JARID2: variants seen among roughly 807,000 people sequenced by gnomAD.
JARID2 encodes protein Jumonji.
Under a neutral mutation model 125.6 loss-of-function variants are expected in JARID2, and 21 were observed. The ratio of observed to expected loss-of-function variants is 0.17; its 90% CI spans 0.12 to 0.24. The LOEUF (loss-of-function observed/expected upper bound fraction) is 0.24, where lower values mean the gene tolerates loss of function less well. Among genes scored for constraint, JARID2 ranks in the 10% least tolerant of loss-of-function variants. The probability of loss-of-function intolerance (pLI) is 1.00; values close to 1 mark genes in which losing one functional copy is unlikely to be tolerated. For synonymous variants in JARID2, 736 were observed against 661.6 expected (o/e 1.11, Z -1.73); for missense variants, 1,303 against 1,639.6 (o/e 0.79, Z 3.55).
intron 5 of JARID2, among the ~76,000 whole-genome samples, chr6:15,476,684 C>T (rs1267462561): frequency 2.6e-5 from 4 of 152,240 alleles, no homozygotes; most frequent in Non-Finnish European, 5.9e-5. Flanking sequence ...CCAGCAACTT[C>T]TATTTCAATA....
intron 12 of JARID2, among the ~76,000 whole-genome samples, chr6:15,510,944 C>G (rs1771248286): frequency 6.6e-6 from 1 of 152,226 alleles, no homozygotes; most frequent in African/African-American, 2.4e-5. Flanking sequence ...TCAGAAGAGG[C>G]TCGTGGAGGC....
In JARID2 at chr6:15,246,196, CTGA is replaced by C; in HGVS notation, c.-341_-339del. On this transcript the variant is annotated 5_prime_UTR_variant, in exon 1 of 18. An upstream start codon of the reference 5' UTR is lost. Transcript: ENST00000341776. ...AGACACTAAGGACCTTCACGTTTCG[CTGA>C]TGTAGTTTTTGGAGGAAAAAGGGGG... The C allele has an allele frequency of 2.2e-6, 1 of 464,452 alleles. No homozygotes were observed. The highest frequency in any genetic ancestry group is 3.8e-6 in the Non-Finnish European group (1 of 265,806). 28.8% of individuals were successfully genotyped at this position (464,452 alleles called of 1,614,324 possible).
intron 4 of JARID2, among the ~76,000 whole-genome samples, chr6:15,465,153 T>TA (rs1173554423): frequency 6.6e-6 from 1 of 152,294 alleles, no homozygotes; most frequent in East Asian, 1.9e-4. Context: ...CTGCTTTTGT[T>TA]AAAAAATTAT....
At chr6:15,321,452 CTTT>C (rs1398592758) in intron 1 of JARID2, among the ~76,000 whole-genome samples, 1 of 152,086 alleles carries the variant, frequency 6.6e-6, no homozygotes, top group African/African-American at 2.4e-5. Context: ...TTTTGTAAAC[CTTT>C]TTGATTGGGC....
In JARID2 at chr6:15,413,029, T is replaced by G. The variant is rs1200316149; in HGVS notation, c.323+2664T>G. Among the ~76,000 whole-genome samples, 1,012 of 131,346 alleles carry G rather than the reference T, an allele frequency of 7.7e-3. 34 individuals carry two copies. The highest frequency in any genetic ancestry group is 0.027 in the African/African-American group (961 of 34,972). 86.2% of individuals were successfully genotyped at this position (131,346 alleles called of 152,430 possible). A position where few individuals can be genotyped will look rare whatever the true frequency, so the allele number is the denominator to read the frequency against. ...TTTTGTTTTTTTTTTTTTTGTTTTT[T>G]TTTTTTTGAGACTGAGTTTCGCCTT... On this transcript the variant is annotated intron_variant, in intron 3 of 17. Transcript: ENST00000341776.
rs145285110 is a variant in JARID2 at position 15,453,983 on chromosome 6, T to C, written c.493+1808T>C. 1.6e-4 allele frequency among the ~76,000 whole-genome samples: 24 copies of C among 152,372 alleles called. No homozygotes were observed. The East Asian group carries it at 4.6e-3, about 29-fold the overall frequency. ...TTTCTCCCAGGTGCTCTTAGTAGAC[T>C]GAGGTTGCATGTTTATAAGGGTCTA... On this transcript the variant is annotated intron_variant, in intron 4 of 17. Coordinates refer to ENST00000341776, the MANE Select transcript of JARID2 (RefSeq NM_004973.4).
chr6:15,360,942 A>AT (rs1451117017), intron 1 of JARID2, among the ~76,000 whole-genome samples: 1 of 152,134 alleles, frequency 6.6e-6, no homozygotes, highest in Non-Finnish European at 1.5e-5. Flanking sequence ...GCTTTTGTTT[A>AT]TTTTTTGTTA....
chr6:15,381,514 C>G (rs1458225085), intron 2 of JARID2, among the ~76,000 whole-genome samples: 2 of 152,092 alleles, frequency 1.3e-5, no homozygotes, highest in Admixed American at 1.3e-4. Flanking sequence ...TCCTGTTTCC[C>G]CTGATGTGAG....
At position 15,385,859 on chromosome 6, in the gene JARID2, G is replaced by A. The variant is rs1581487040; in HGVS notation, c.181+11607G>A. Among the ~76,000 whole-genome samples, 6 of 152,178 alleles carry A rather than the reference G, an allele frequency of 3.9e-5. 1 individual carries two copies. The Middle Eastern group carries it at 0.02, about 518-fold the overall frequency. On this transcript the variant is annotated intron_variant, in intron 2 of 17. Coordinates refer to ENST00000341776, the MANE Select transcript of JARID2 (RefSeq NM_004973.4). Reference sequence around the variant, plus strand: ...ACCGTGACACCCTAGGCCCCCAGATGTCAGCTCATCTTATTTTCCCCATTG... The same window carrying A: ...ACCGTGACACCCTAGGCCCCCAGATATCAGCTCATCTTATTTTCCCCATTG...
chr6:15,324,040 G>A (rs1009072879), intron 1 of JARID2, among the ~76,000 whole-genome samples: 1 of 151,950 alleles, frequency 6.6e-6, no homozygotes. Context: ...AAATTAGCCG[G>A]GCGTGGTGGC....
chr6:15,346,630 T>C (rs1375242283), intron 1 of JARID2, among the ~76,000 whole-genome samples: 1 of 152,198 alleles, frequency 6.6e-6, no homozygotes, highest in Non-Finnish European at 1.5e-5. Flanking sequence ...TCGTTTTGTC[T>C]TGATCTCCAG....
At chr6:15,364,810 G>A (rs1763918906) in intron 1 of JARID2, among the ~76,000 whole-genome samples, 3 of 152,202 alleles carry the variant, frequency 2.0e-5, no homozygotes, top group South Asian at 4.1e-4. Flanking sequence ...TGACAGAACC[G>A]TTCTGTAGCT....
At chr6:15,498,155 C>T (rs1249473354) in intron 7 of JARID2, among the ~76,000 whole-genome samples, 2 of 152,198 alleles carry the variant, frequency 1.3e-5, no homozygotes, top group Non-Finnish European at 2.9e-5. Context: ...ATTTTTTATC[C>T]TGCTCAGCCT....
chr6:15,494,500 C>T (rs1234723068), intron 6 of JARID2, among the ~76,000 whole-genome samples: 16 of 146,176 alleles, frequency 1.1e-4, no homozygotes, highest in Non-Finnish European at 1.5e-4. Flanking sequence ...ACTCCACCTC[C>T]TGGGTTCACG....
intron 1 of JARID2, among the ~76,000 whole-genome samples, chr6:15,311,077 A>G (rs1282064728): frequency 6.6e-6 from 1 of 152,150 alleles, no homozygotes; most frequent in African/African-American, 2.4e-5. Context: ...AGTTGCTATA[A>G]TAATTCTCTA....
intron 5 of JARID2, among the ~76,000 whole-genome samples, chr6:15,479,824 G>T (rs1769525269): frequency 6.6e-6 from 1 of 152,168 alleles, no homozygotes; most frequent in African/African-American, 2.4e-5. Flanking sequence ...TTTTACACGT[G>T]GATGGTGGAG....
intron 4 of JARID2, among the ~76,000 whole-genome samples, chr6:15,463,475 A>C (rs1195819647): frequency 1.4e-5 from 2 of 142,932 alleles, no homozygotes; most frequent in Non-Finnish European, 3.0e-5. Flanking sequence ...TTGTTGCCCA[A>C]GCTGGAGGGC....
At chr6:15,509,899 T>C (rs1035751372) in intron 12 of JARID2, among the ~76,000 whole-genome samples, 2 of 152,124 alleles carry the variant, frequency 1.3e-5, no homozygotes, top group African/African-American at 4.8e-5. Flanking sequence ...GAGAACATGA[T>C]GGTGTGTAGT....
intron 1 of JARID2, among the ~76,000 whole-genome samples, chr6:15,256,025 T>C (rs1759650445): frequency 6.6e-6 from 1 of 152,174 alleles, no homozygotes; most frequent in Non-Finnish European, 1.5e-5. Context: ...TTTCCTCATC[T>C]GGACAACTTA....
Sources: allele counts gnomAD v4.1 joint callset (sites outside exome capture counted in the v4.1 genomes callset), GRCh38; gene constraint gnomAD v4.1.1; transcripts MANE v1.5; gene names NCBI Gene and HGNC (gene_info 2026-07-23, HGNC 2026-07-21).